Variants in LRRC8A observed in about 807,000 individuals in gnomAD.
LRRC8A encodes leucine rich repeat containing 8 VRAC subunit A, also known as volume-regulated anion channel subunit LRRC8A.
In LRRC8A, 24 loss-of-function variants were observed where a neutral mutation model predicts 52.5. The observed-to-expected ratio is 0.46, with a 90% CI of 0.33 to 0.64. The LOEUF is 0.64. LRRC8A is among the 30% of genes least tolerant of loss of function. The probability of loss-of-function intolerance (pLI) is 0.02; values close to 1 mark genes in which losing one functional copy is unlikely to be tolerated. For missense variants in LRRC8A, 677 were observed against 1,094.7 expected (o/e 0.62, Z 5.38); for synonymous variants, 492 against 494.2 (o/e 1.00, Z 0.06).
chr9:128,904,915 G>A (rs974774547), intron 2 of LRRC8A, among the ~76,000 whole-genome samples: 4 of 150,458 alleles, frequency 2.7e-5, no homozygotes, highest in African/African-American at 7.4e-5. Flanking sequence ...GGAGAATGGC[G>A]TGAATCTGGG....
Position 128,917,744 on chromosome 9 carries a change from A to C in LRRC8A, c.*1373A>C, listed in dbSNP as rs1473110545. 1 of 152,732 alleles carries C rather than the reference A, an allele frequency of 6.5e-6. No individual in the cohort carries two copies. The highest frequency in any genetic ancestry group is 6.5e-5 in the Admixed American group (1 of 15,292). 9.5% of individuals were successfully genotyped at this position (152,732 alleles called of 1,614,324 possible). ...CTGGCGCCTGGAGTGCACACAGCCC[A>C]GTCGGCACCTGGTGGCTGGAAGCCA... On this transcript the variant is annotated 3_prime_UTR_variant, in exon 4 of 4. Transcript: ENST00000372600.
rs1326667863 is a variant in LRRC8A, at chr9:128,892,924, T to C, written c.-9+6803T>C. On this transcript the variant is annotated intron_variant, in intron 2 of 3. Coordinates refer to ENST00000372600, the MANE Select transcript of LRRC8A (RefSeq NM_019594.4). The surrounding 1 kb of genome is among the most constrained non-coding windows in gnomAD (Gnocchi z 5.2). The stretch of plus-strand genomic sequence containing the variant: ...TTGTTTGTGCTTTCACAAAAGGCTC[T>C]CTGTGCCCTGTTTACCCGCAGCCCG... 1.3e-5 allele frequency among the ~76,000 whole-genome samples: 2 copies of C among 152,200 alleles called. No homozygotes were observed. Among genetic ancestry groups the C allele is most frequent in the African/African-American group, 2.4e-5 (1 of 41,458 alleles).
chr9:128,916,224 G>A lies in LRRC8A; in HGVS notation c.2286G>A (p.Arg762=), dbSNP rs1840811356. The change falls in exon 4 of 4, where the codon CGG becomes CGA. Residue 762 remains arginine (R), a synonymous_variant. Coordinates refer to ENST00000372600, the MANE Select transcript of LRRC8A (RefSeq NM_019594.4). This position sits in a 1 kb window ranked among gnomAD's most constrained non-coding sequence, Gnocchi z 6.1. ...CCAACCTGACGCAGATCGAGCTGCG[G>A]GGCAACCGGCTGGAGTGCCTGCCTG... is the stretch of plus-strand genomic sequence containing the variant. ...ELTNLTQIEL[R]GNRLECLPVE... 6.2e-7 allele frequency: 1 copy of A among 1,613,508 alleles called. No individual in the cohort carries two copies. Among genetic ancestry groups the A allele is most frequent in the African/African-American group, 1.3e-5 (1 of 74,946 alleles).
In LRRC8A at chr9:128,908,210, A is replaced by G. The variant is rs759809196; in HGVS notation, c.1046A>G (p.Lys349Arg). The change falls in exon 3 of 4, where the codon AAG becomes AGG. Residue 349 changes from lysine to arginine, a missense_variant. Lys to Arg is a conservative substitution (Grantham distance 26, BLOSUM62 2). Around this residue, in one of 4 missense-constraint regions of LRRC8A, gnomAD observed 422 missense variants for 741.5 expected, o/e 0.57. Coordinates refer to ENST00000372600, the MANE Select transcript of LRRC8A (RefSeq NM_019594.4). Reference sequence around the variant, plus strand: ...TGGTGGATGCTACGGCGCTCCCTCAAGAAGTACTCGTTTGAGTCGATCCGT... The same window carrying G: ...TGGTGGATGCTACGGCGCTCCCTCAGGAAGTACTCGTTTGAGTCGATCCGT... ...TLWWMLRRSL[K>R]KYSFESIREE... is the part of the protein sequence containing the mutation. The G allele has an allele frequency of 1.2e-6, 2 of 1,614,070 alleles. No individual in the cohort carries two copies. Among genetic ancestry groups the G allele is most frequent in the South Asian group, 1.1e-5 (1 of 91,080 alleles).
chr9:128,908,304 C>A lies in LRRC8A; in HGVS notation c.1140C>A (p.Asp380Glu). ...TCGCCTTCATGCTGCACCTCATTGACCAATACGACCCGCTCTACTCCAAGC... is the reference window on the plus strand; with the variant it reads ...TCGCCTTCATGCTGCACCTCATTGAACAATACGACCCGCTCTACTCCAAGC... ...NDFAFMLHLIDQYDPLYSKRF... is the reference protein window; with the variant it reads ...NDFAFMLHLIEQYDPLYSKRF... Residue 380 changes from aspartate (D) to glutamate (E), a missense_variant, in exon 3 of 4, where the codon GAC becomes GAA. Asp to Glu is a conservative substitution (Grantham distance 45). Around this residue, in one of 4 missense-constraint regions of LRRC8A, gnomAD observed 422 missense variants for 741.5 expected, o/e 0.57. Coordinates refer to ENST00000372600, the MANE Select transcript of LRRC8A (RefSeq NM_019594.4). 1 of 1,614,146 alleles carries A rather than the reference C, an allele frequency of 6.2e-7. No homozygotes were observed. The highest frequency in any genetic ancestry group is 8.5e-7 in the Non-Finnish European group (1 of 1,180,038).
intron 2 of LRRC8A, among the ~76,000 whole-genome samples, chr9:128,895,242 G>A (rs545632827): frequency 2.0e-5 from 3 of 152,098 alleles, no homozygotes; most frequent in South Asian, 2.1e-4. Flanking sequence ...GTAGAAGCTC[G>A]GGAGGCTGAG....
chr9:128,909,997 G>A (rs754487917), intron 3 of LRRC8A, among the ~76,000 whole-genome samples: 6 of 152,214 alleles, frequency 3.9e-5, no homozygotes, highest in Non-Finnish European at 7.3e-5. Context: ...CCACACCTTC[G>A]ACATACTTTC....
At chr9:128,896,985 A>C (rs1413180085) in intron 2 of LRRC8A, among the ~76,000 whole-genome samples, 1 of 151,912 alleles carries the variant, frequency 6.6e-6, no homozygotes, top group African/African-American at 2.4e-5. Flanking sequence ...CAGCCTCCCT[A>C]AGTTCTGGGA....
At chr9:128,886,813 T>A (rs1407230760) in intron 2 of LRRC8A, among the ~76,000 whole-genome samples, 3 of 152,228 alleles carry the variant, frequency 2.0e-5, no homozygotes, top group Non-Finnish European at 4.4e-5. Flanking sequence ...GCTGTGTAAT[T>A]TGCCAGACAT....
intron 2 of LRRC8A, among the ~76,000 whole-genome samples, chr9:128,903,193 A>G (rs768782871): frequency 9.2e-5 from 14 of 152,036 alleles, no homozygotes; most frequent in Non-Finnish European, 1.6e-4. Context: ...CTTGGGCATC[A>G]AGGATGACCC....
In LRRC8A at chr9:128,907,418, C is replaced by T. The variant is rs1840298514; in HGVS notation, c.254C>T (p.Thr85Ile). Residue 85 changes from threonine to isoleucine, a missense_variant, in exon 3 of 4, where the codon ACC becomes ATC. Physicochemically the swap from Thr to Ile is moderately conservative, Grantham distance 89 (BLOSUM62 -1). Coordinates refer to ENST00000372600, the MANE Select transcript of LRRC8A (RefSeq NM_019594.4). This position sits in a 1 kb window ranked among gnomAD's most constrained non-coding sequence, Gnocchi z 9.3. ...PGPEPTYPNS[T>I]ILPTPDTGPT... ...CCGGAGCCCACCTACCCCAACTCCACCATTCTGCCGACCCCTGACACGGGC... is the reference window on the plus strand; with the variant it reads ...CCGGAGCCCACCTACCCCAACTCCATCATTCTGCCGACCCCTGACACGGGC... The T allele has an allele frequency of 1.2e-6, 2 of 1,613,520 alleles. No individual in the cohort carries two copies. Among genetic ancestry groups the T allele is most frequent in the African/African-American group, 1.3e-5 (1 of 75,048 alleles).
Position 128,886,004 on chromosome 9 carries a change from C to T in LRRC8A, c.-115-11C>T, listed in dbSNP as rs1416276463. ...ATGTGCCTGCTGACGGCAGCTCTCGCTTCCTTGTAGGGAGGCAGCGTCCAT... is the reference window on the plus strand; with the variant it reads ...ATGTGCCTGCTGACGGCAGCTCTCGTTTCCTTGTAGGGAGGCAGCGTCCAT... On this transcript the variant is annotated splice_polypyrimidine_tract_variant and intron_variant, in intron 1 of 3. Transcript: ENST00000372600. The T allele has an allele frequency of 6.6e-6, 1 of 152,366 alleles. No homozygotes were observed. The highest frequency in any genetic ancestry group is 1.5e-5 in the Non-Finnish European group (1 of 68,064). The allele number at this position is 152,366 out of a possible 1,614,324, so 9.4% of individuals were successfully genotyped here.
At chr9:128,891,248 G>T (rs2130947394) in intron 2 of LRRC8A, among the ~76,000 whole-genome samples, 1 of 152,112 alleles carries the variant, frequency 6.6e-6, no homozygotes, top group Non-Finnish European at 1.5e-5. Context: ...CTTTAGCCTG[G>T]TGACAGAGTG....
chr9:128,891,991 G>A (rs1234630635), intron 2 of LRRC8A, among the ~76,000 whole-genome samples: 3 of 152,172 alleles, frequency 2.0e-5, no homozygotes, highest in African/African-American at 7.2e-5. Context: ...AGCAGTGAAC[G>A]TTCCAGAGCC....
chr9:128,899,607 G>A lies in LRRC8A; in HGVS notation c.-8-7550G>A, dbSNP rs73669989. 0.055 allele frequency among the ~76,000 whole-genome samples: 8,443 copies of A among 152,178 alleles called. 278 individuals carry two copies. Among genetic ancestry groups the A allele is most frequent in the African/African-American group, 0.096 (3,986 of 41,518 alleles). ...ATTCTCATATGTGTTAGAACGTGGT[G>A]AGCCTTGAGGACATTACGTTAAGTG... On this transcript the variant is annotated intron_variant, in intron 2 of 3. Coordinates refer to ENST00000372600, the MANE Select transcript of LRRC8A (RefSeq NM_019594.4). The surrounding 1 kb of genome is among the most constrained non-coding windows in gnomAD (Gnocchi z 4.0).
chr9:128,882,418 C>G (rs1246910096), intron 1 of LRRC8A, 168 bp downstream of exon 1: 2 of 306,114 alleles, frequency 6.5e-6, no homozygotes, highest in Non-Finnish European at 6.0e-6. Flanking sequence ...TCTGGGCTCC[C>G]CAGTGCCCGG....
At chr9:128,882,923 C>T (rs937899092) in intron 1 of LRRC8A, 128 of 397,240 alleles carry the variant, frequency 3.2e-4, no homozygotes, top group Non-Finnish European at 1.5e-4. Context: ...AGCTGGATAC[C>T]CAGCAAACTG....
chr9:128,905,905 G>A lies in LRRC8A; in HGVS notation c.-8-1252G>A, dbSNP rs1185239468. 3.9e-5 allele frequency among the ~76,000 whole-genome samples: 6 copies of A among 152,122 alleles called. No individual in the cohort carries two copies. In the East Asian group the frequency reaches 1.2e-3, roughly 29 times the overall value. On this transcript the variant is annotated intron_variant, in intron 2 of 3. Transcript: ENST00000372600. The stretch of plus-strand genomic sequence containing the variant: ...ATAGTAGTCAAACTAGACTCTCTCT[G>A]GGAGAGCCTGCTGTTGCTGCTGTTT...
rs1840286320 is a variant in LRRC8A at position 128,907,174 on chromosome 9, G to C, written c.10G>C (p.Val4Leu). Residue 4 changes from valine (V) to leucine (L), a missense_variant, in exon 3 of 4, where the codon GTG becomes CTG. Val to Leu is a conservative substitution (Grantham distance 32). Coordinates refer to ENST00000372600, the MANE Select transcript of LRRC8A (RefSeq NM_019594.4). The surrounding 1 kb of genome is among the most constrained non-coding windows in gnomAD (Gnocchi z 9.3). ...CCTTTTAGGTTGAACCATGATTCCG[G>C]TGACAGAGCTCCGCTACTTTGCGGA... MIP[V>L]TELRYFADTQ... 1 of 1,606,998 alleles carries C rather than the reference G, an allele frequency of 6.2e-7. No homozygotes were observed. Among genetic ancestry groups the C allele is most frequent in the South Asian group, 1.1e-5 (1 of 90,954 alleles).
Sources: gnomAD v4.1 joint callset for allele counts (sites outside exome capture counted in the v4.1 genomes callset) on GRCh38, gnomAD v4.1.1 for gene constraint, gnomAD v4.1.1 regional missense constraint, Gnocchi (gnomAD v3.1) non-coding constraint, MANE v1.5 for transcripts, NCBI Gene and HGNC (gene_info 2026-07-23, HGNC 2026-07-21) for gene names.